RORA: variants seen among roughly 807,000 people sequenced by gnomAD.
RORA encodes RAR related orphan receptor A, also known as nuclear receptor ROR-alpha.
A neutral mutation model predicts 69.5 loss-of-function variants in RORA; 7 were observed. The ratio of observed to expected loss-of-function variants is 0.10; its 90% CI spans 0.06 to 0.19. The LOEUF is 0.19. RORA is among the 10% of genes least tolerant of loss of function. The pLI is 1.00. For synonymous variants in RORA, 261 were observed against 240.8 expected, an observed-to-expected ratio of 1.08 and a Z score of -0.78; for missense variants, 457 against 663.0, an observed-to-expected ratio of 0.69 and a Z score of 3.41.
At chr15:60,854,282 A>T (rs553592772) in intron 1 of RORA, among the ~76,000 whole-genome samples, 12 of 152,208 alleles carry the variant, frequency 7.9e-5, no homozygotes, top group East Asian at 3.9e-4. Context: ...AATAAATAAA[A>T]ATAAATGATC....
At chr15:60,574,731 T>A (rs2067978088) in intron 2 of RORA, among the ~76,000 whole-genome samples, 3 of 152,232 alleles carry the variant, frequency 2.0e-5, no homozygotes, top group African/African-American at 7.2e-5. Flanking sequence ...ATGAGGTAGA[T>A]GTTATTATCA....
intron 1 of RORA, among the ~76,000 whole-genome samples, chr15:60,992,041 G>T (rs1894395868): frequency 6.6e-6 from 1 of 152,144 alleles, no homozygotes; most frequent in African/African-American, 2.4e-5. Flanking sequence ...GATTTAAGGA[G>T]AAGCAGATGT....
intron 1 of RORA, among the ~76,000 whole-genome samples, chr15:60,906,705 C>T (rs78005790): frequency 0.023 from 3,485 of 152,230 alleles, 125 homozygotes; most frequent in African/African-American, 0.078. Flanking sequence ...CAGGGGCTAG[C>T]TATGCAGAAA....
chr15:60,905,318 C>T lies in RORA; in HGVS notation c.167-226632G>A, dbSNP rs891794217. On this transcript the variant is annotated intron_variant, in intron 1 of 10. Transcript: ENST00000335670. This position sits in a 1 kb window ranked among gnomAD's most constrained non-coding sequence, Gnocchi z 4.8. ...CAGCCAGAGGTTCCTTAATTTGCAT[C>T]GTTATATGAGTGCAAAGCATGATGA... is the stretch of plus-strand genomic sequence containing the variant. Among the ~76,000 whole-genome samples the T allele has an allele frequency of 1.3e-5, 2 of 152,116 alleles. No homozygotes were observed. Among genetic ancestry groups the T allele is most frequent in the Non-Finnish European group, 2.9e-5 (2 of 68,016 alleles).
At chr15:60,999,770 T>G (rs1315310674) in intron 1 of RORA, among the ~76,000 whole-genome samples, 2 of 152,186 alleles carry the variant, frequency 1.3e-5, no homozygotes, top group African/African-American at 4.8e-5. Context: ...GCTTTTGGGT[T>G]CTTCATCCCC....
At position 61,002,761 on chromosome 15, in the gene RORA, T is replaced by C. The variant is rs1185504510; in HGVS notation, c.166+226292A>G. On this transcript the variant is annotated intron_variant, in intron 1 of 10. Transcript: ENST00000335670. ...TGCTCCAATTTGAAGAGTTATTAGA[T>C]ACACCCAGCCAGGGAATATAAATAA... Among the ~76,000 whole-genome samples, 5 of 152,066 alleles carry C rather than the reference T, an allele frequency of 3.3e-5. No homozygotes were observed. The East Asian group carries it at 9.7e-4, about 29-fold the overall frequency.
intron 2 of RORA, among the ~76,000 whole-genome samples, chr15:60,549,427 G>C (rs28706433): frequency 0.065 from 9,841 of 152,222 alleles, 952 homozygotes; most frequent in African/African-American, 0.21. Flanking sequence ...AAATATAAAA[G>C]AGTATTTGCT....
chr15:60,867,657 T>A (rs1234077466), intron 1 of RORA, among the ~76,000 whole-genome samples: 1 of 152,132 alleles, frequency 6.6e-6, no homozygotes, highest in Non-Finnish European at 1.5e-5. Flanking sequence ...TGTATCAATG[T>A]GCTAAATAAT....
intron 1 of RORA, chr15:60,848,237 T>G (rs769265241): frequency 6.6e-6 from 1 of 152,256 alleles, no homozygotes; most frequent in African/African-American, 2.4e-5. Context: ...CCCCCAAAGA[T>G]GTCACCTCCT....
intron 1 of RORA, among the ~76,000 whole-genome samples, chr15:61,048,956 T>A (rs1159932971): frequency 6.6e-6 from 1 of 152,204 alleles, no homozygotes; most frequent in African/African-American, 2.4e-5. Flanking sequence ...TATGCCTTTG[T>A]ACTGGGGACA....
At chr15:61,068,542 T>C (rs2078296147) in intron 1 of RORA, among the ~76,000 whole-genome samples, 1 of 152,256 alleles carries the variant, frequency 6.6e-6, no homozygotes, top group Admixed American at 6.5e-5. Context: ...CTTGACATCC[T>C]GGACTCAACT....
intron 1 of RORA, among the ~76,000 whole-genome samples, chr15:60,737,809 C>G (rs1245153187): frequency 6.6e-6 from 1 of 152,132 alleles, no homozygotes; most frequent in Non-Finnish European, 1.5e-5. Context: ...GAAGCTCAGG[C>G]TATTTGACTT....
intron 1 of RORA, among the ~76,000 whole-genome samples, chr15:60,967,383 A>G (rs867668696): frequency 9.2e-5 from 14 of 152,212 alleles, no homozygotes; most frequent in Non-Finnish European, 1.0e-4. Flanking sequence ...ATTGGGAATC[A>G]GCATCAACAA....
intron 1 of RORA, among the ~76,000 whole-genome samples, chr15:60,838,809 C>A (rs2073153760): frequency 6.6e-6 from 1 of 150,484 alleles, no homozygotes; most frequent in African/African-American, 2.5e-5. Context: ...GAGCATTTGG[C>A]TTTCCACCTG....
At chr15:60,909,570 G>A (rs991639406) in intron 1 of RORA, among the ~76,000 whole-genome samples, 3 of 152,156 alleles carry the variant, frequency 2.0e-5, no homozygotes, top group Admixed American at 6.5e-5. Context: ...AGAGTCACAA[G>A]TTATTTATAA....
intron 1 of RORA, among the ~76,000 whole-genome samples, chr15:60,955,795 C>T (rs961197213): frequency 6.6e-6 from 1 of 152,194 alleles, no homozygotes; most frequent in South Asian, 2.1e-4. Context: ...ACAGTCCCAA[C>T]GCCTCTCTAG....
At chr15:60,817,536 GCAATA>G (rs1189254579) in intron 1 of RORA, among the ~76,000 whole-genome samples, 1 of 152,194 alleles carries the variant, frequency 6.6e-6, no homozygotes, top group African/African-American at 2.4e-5. Flanking sequence ...GTGCACCTGT[GCAATA>G]CAACACCAGA....
chr15:60,844,001 T>C (rs995369602), intron 1 of RORA, among the ~76,000 whole-genome samples: 7 of 152,168 alleles, frequency 4.6e-5, no homozygotes, highest in Non-Finnish European at 1.0e-4. Flanking sequence ...ATTTACTTTT[T>C]TTTTGGTTAT....
At chr15:60,571,879 G>C (rs1272386608) in intron 2 of RORA, among the ~76,000 whole-genome samples, 2 of 152,182 alleles carry the variant, frequency 1.3e-5, no homozygotes, top group Admixed American at 6.5e-5. Context: ...TGACCTCACT[G>C]CATTTCTGTT....
Sources: gnomAD v4.1 joint callset for allele counts (sites outside exome capture counted in the v4.1 genomes callset) on GRCh38, gnomAD v4.1.1 for gene constraint, Gnocchi (gnomAD v3.1) non-coding constraint, MANE v1.5 for transcripts, NCBI Gene and HGNC (gene_info 2026-07-23, HGNC 2026-07-21) for gene names.